FHIT: variants seen among roughly 807,000 people sequenced by gnomAD.
FHIT encodes the protein bis(5'-adenosyl)-triphosphatase.
In FHIT, 19 loss-of-function variants were observed where a neutral mutation model predicts 17.9. The ratio of observed to expected loss-of-function variants is 1.06; its 90% CI spans 0.74 to 1.56. The LOEUF is 1.56. FHIT is among the 40% of genes most tolerant of loss of function. The pLI, the probability that FHIT is intolerant of heterozygous loss-of-function variation, is 0.00. For synonymous variants in FHIT, 81 were observed against 69.7 expected (o/e 1.16, Z -0.81); for missense variants, 248 against 189.2 (o/e 1.31, Z -1.82).
intron 4 of FHIT, among the ~76,000 whole-genome samples, chr3:60,722,707 CTTT>C (rs1157024624): frequency 5.7e-5 from 6 of 104,934 alleles, no homozygotes; most frequent in Non-Finnish European, 7.7e-5. Flanking sequence ...TACCTTAAAT[CTTT>C]TTTTTTTTTT....
chr3:60,645,490 A>C (rs782796397), intron 4 of FHIT, among the ~76,000 whole-genome samples: 2 of 152,196 alleles, frequency 1.3e-5, no homozygotes, highest in Non-Finnish European at 2.9e-5. Flanking sequence ...GTTACAAGAT[A>C]GTACACTCTA....
chr3:60,737,083 A>T (rs782030588), intron 4 of FHIT, among the ~76,000 whole-genome samples: 4 of 152,190 alleles, frequency 2.6e-5, no homozygotes, highest in African/African-American at 9.7e-5. Context: ...CATAAAAGCT[A>T]TTCGGAGATC....
chr3:60,041,607 C>T (rs1392405228), intron 5 of FHIT, among the ~76,000 whole-genome samples: 1 of 152,162 alleles, frequency 6.6e-6, no homozygotes, highest in Non-Finnish European at 1.5e-5. Context: ...GTCTATGGGA[C>T]CCCACTTCTG....
intron 5 of FHIT, among the ~76,000 whole-genome samples, chr3:60,082,055 T>G (rs1169503192): frequency 6.6e-6 from 1 of 152,100 alleles, no homozygotes; most frequent in Admixed American, 6.6e-5. Context: ...GTTTGGGGTA[T>G]GATTAATACC....
intron 1 of FHIT, among the ~76,000 whole-genome samples, chr3:61,207,560 G>C (rs1320190923): frequency 6.6e-6 from 1 of 150,846 alleles, no homozygotes; most frequent in Non-Finnish European, 1.5e-5. Flanking sequence ...GGGTGTATGT[G>C]TCTGGGAATT....
intron 4 of FHIT, among the ~76,000 whole-genome samples, chr3:60,602,440 T>C (rs771019339): frequency 6.6e-6 from 1 of 152,086 alleles, no homozygotes; most frequent in Non-Finnish European, 1.5e-5. Context: ...TATTCAGGTA[T>C]AAAGGTAATA....
rs869239307 is a variant in FHIT, at chr3:60,976,096, CTTTTTTTTTTTTT to C, written c.-111+65938_-111+65950del. The stretch of plus-strand genomic sequence containing the variant: ...CTTTGTATCTTTCGTTTTTCTTTTT[CTTTTTTTTTTTTT>C]TTTTTTTTTTTTTTTGAGACGGAGT... On this transcript the variant is annotated intron_variant, in intron 3 of 9. Coordinates refer to ENST00000492590, the MANE Select transcript of FHIT (RefSeq NM_002012.4). Among the ~76,000 whole-genome samples the C allele has an allele frequency of 4.0e-3, 268 of 66,822 alleles. 3 individuals are homozygous for C. The highest frequency in any genetic ancestry group is 0.015 in the African/African-American group (221 of 15,136). 43.8% of individuals were successfully genotyped at this position (66,822 alleles called of 152,430 possible). A position where few individuals can be genotyped will look rare whatever the true frequency, so the allele number is the denominator to read the frequency against.
At chr3:61,092,401 T>G (rs1004828944) in intron 2 of FHIT, among the ~76,000 whole-genome samples, 1 of 152,130 alleles carries the variant, frequency 6.6e-6, no homozygotes, top group African/African-American at 2.4e-5. Flanking sequence ...ATTTGGTAAT[T>G]ACTCTTTTAA....
chr3:60,560,802 G>GACACACAC (rs71092614), intron 4 of FHIT, among the ~76,000 whole-genome samples: 5 of 128,956 alleles, frequency 3.9e-5, no homozygotes, highest in African/African-American at 9.0e-5. Context: ...GATGTAAGGA[G>GACACACAC]ACACACACAC....
At chr3:61,202,302 C>T (rs6787313) in intron 1 of FHIT, among the ~76,000 whole-genome samples, 64,959 of 149,874 alleles carry the variant, frequency 0.43, 14,294 homozygotes, top group East Asian at 0.58. Flanking sequence ...CTGCCCTGTC[C>T]GGGAAGTGAG....
intron 5 of FHIT, among the ~76,000 whole-genome samples, chr3:60,065,558 C>T (rs1702464505): frequency 6.6e-6 from 1 of 152,136 alleles, no homozygotes; most frequent in Non-Finnish European, 1.5e-5. Context: ...AACAGGAAAA[C>T]TTCTGAAAAT....
intron 5 of FHIT, among the ~76,000 whole-genome samples, chr3:60,457,804 T>C: frequency 6.6e-6 from 1 of 151,542 alleles, no homozygotes. Context: ...AAAGAAGACA[T>C]TTATGCAGCC....
intron 5 of FHIT, among the ~76,000 whole-genome samples, chr3:60,196,085 G>C (rs75349265): frequency 6.6e-6 from 1 of 152,098 alleles, no homozygotes; most frequent in Non-Finnish European, 1.5e-5. Context: ...CAGTTACTGA[G>C]GATGGACATA....
chr3:61,173,349 A>C (rs2038064536), intron 2 of FHIT, among the ~76,000 whole-genome samples: 1 of 152,228 alleles, frequency 6.6e-6, no homozygotes, highest in South Asian at 2.1e-4. Flanking sequence ...CTATCACTCC[A>C]AAATGTGCTG....
chr3:61,010,198 A>AC (rs2031709935), intron 3 of FHIT, among the ~76,000 whole-genome samples: 1 of 151,904 alleles, frequency 6.6e-6, no homozygotes, highest in African/African-American at 2.4e-5. Flanking sequence ...ACACTTGATT[A>AC]CCAAAAAAAA....
At chr3:60,210,131 G>C (rs915597473) in intron 5 of FHIT, among the ~76,000 whole-genome samples, 2 of 152,108 alleles carry the variant, frequency 1.3e-5, no homozygotes, top group Admixed American at 6.5e-5. Context: ...TTTCCAAAAA[G>C]AGGTAAAAGA....
intron 5 of FHIT, among the ~76,000 whole-genome samples, chr3:60,024,793 C>T (rs1700677979): frequency 6.6e-6 from 1 of 152,188 alleles, no homozygotes; most frequent in Non-Finnish European, 1.5e-5. Flanking sequence ...GGAAAGAGTG[C>T]AGGCCCTTGA....
Position 60,260,670 on chromosome 3 carries a change from A to G in FHIT, c.104-246518T>C, listed in dbSNP as rs1357837209. 3.3e-5 allele frequency among the ~76,000 whole-genome samples: 5 copies of G among 152,040 alleles called. No individual in the cohort carries two copies. The East Asian group carries it at 9.6e-4, about 29-fold the overall frequency. On this transcript the variant is annotated intron_variant, in intron 5 of 9. Coordinates refer to ENST00000492590, the MANE Select transcript of FHIT (RefSeq NM_002012.4). ...CTCTATCTTGAATAGCGGCTGGGTA[A>G]AATAAGGCTGAGACCTACTGGGCTG...
At chr3:60,176,492 T>C (rs1271797268) in intron 5 of FHIT, among the ~76,000 whole-genome samples, 4 of 152,220 alleles carry the variant, frequency 2.6e-5, no homozygotes, top group Non-Finnish European at 5.9e-5. Flanking sequence ...TCAAAATAGC[T>C]TTAAGCATGT....
Sources: allele counts gnomAD v4.1 joint callset (sites outside exome capture counted in the v4.1 genomes callset), GRCh38; gene constraint gnomAD v4.1.1; transcripts MANE v1.5; gene names NCBI Gene and HGNC (gene_info 2026-07-23, HGNC 2026-07-21).